FOCAD: variants seen among roughly 807,000 people sequenced by gnomAD.
FOCAD encodes KIAA1797.
In FOCAD, 198 loss-of-function variants were observed where a neutral mutation model predicts 225.6. The ratio of observed to expected loss-of-function variants is 0.88; its 90% CI spans 0.78 to 0.99. FOCAD has a LOEUF of 0.99. FOCAD is among the 50% of genes least tolerant of loss of function. FOCAD has a pLI of 0.00. For missense variants in FOCAD, 2,713 were observed against 2,123.6 expected (o/e 1.28, Z -5.46); for synonymous variants, 897 against 755.0 (o/e 1.19, Z -3.08).
chr9:20,724,904 C>T (rs1826068935), intron 4 of FOCAD, among the ~76,000 whole-genome samples: 1 of 152,316 alleles, frequency 6.6e-6, no homozygotes, highest in South Asian at 2.1e-4. Context: ...CGTGGTGGCT[C>T]ATGCCCGTAA....
intron 11 of FOCAD, among the ~76,000 whole-genome samples, chr9:20,816,198 G>A (rs1479184567): frequency 6.6e-6 from 1 of 151,948 alleles, no homozygotes; most frequent in African/African-American, 2.4e-5. Context: ...TATAATTATA[G>A]CATTTGTTTA....
At chr9:20,896,656 T>TTA (rs751560734) in intron 21 of FOCAD, among the ~76,000 whole-genome samples, 42 of 151,802 alleles carry the variant, frequency 2.8e-4, no homozygotes, top group Non-Finnish European at 2.9e-4. Flanking sequence ...GGGCATAGAG[T>TTA]TATATATATT....
chr9:20,992,549 A>G (rs1841761503), intron 42 of FOCAD, among the ~76,000 whole-genome samples: 1 of 152,166 alleles, frequency 6.6e-6, no homozygotes, highest in Non-Finnish European at 1.5e-5. Flanking sequence ...ACTCGGCTAT[A>G]CATTGAGGGT....
intron 9 of FOCAD, among the ~76,000 whole-genome samples, chr9:20,779,380 A>G (rs1244952574): frequency 1.3e-5 from 2 of 151,724 alleles, no homozygotes; most frequent in Non-Finnish European, 2.9e-5. Context: ...AATAATCCAC[A>G]TAACAATGAG....
At chr9:20,948,087 A>G (rs747358493) in intron 30 of FOCAD, among the ~76,000 whole-genome samples, 184 bp from the exon 31 acceptor site, 3 of 151,374 alleles carry the variant, frequency 2.0e-5, no homozygotes, top group Non-Finnish European at 4.4e-5. Context: ...TATGATGCAA[A>G]CCAGTCTAGA....
chr9:20,789,788 G>A lies in FOCAD; in HGVS notation c.1455+180G>A, dbSNP rs146138310. ...TTCTTTTTCCTTACTCTGAGTTGAT[G>A]TATACTTAATGATGCAAACAGTTTT... On this transcript the variant is annotated intron_variant, in intron 11 of 43. Transcript: ENST00000338382. 3.2e-4 allele frequency among the ~76,000 whole-genome samples: 47 copies of A among 148,218 alleles called. No homozygotes were observed. In the East Asian group the frequency reaches 6.1e-3, roughly 19 times the overall value.
At chr9:20,985,830 A>G (rs754581270) in intron 39 of FOCAD, among the ~76,000 whole-genome samples, 10 of 152,338 alleles carry the variant, frequency 6.6e-5, no homozygotes, top group Non-Finnish European at 1.2e-4. Flanking sequence ...ACAATATACA[A>G]TGAATACTAG....
intron 2 of FOCAD, among the ~76,000 whole-genome samples, chr9:20,661,862 T>C (rs1167874963): frequency 6.6e-6 from 1 of 152,156 alleles, no homozygotes; most frequent in East Asian, 1.9e-4. Flanking sequence ...CCACTGTTAT[T>C]AGTAAAAGCT....
chr9:20,897,337 C>T (rs755877925), intron 21 of FOCAD, among the ~76,000 whole-genome samples: 2 of 150,836 alleles, frequency 1.3e-5, no homozygotes, highest in African/African-American at 4.9e-5. Flanking sequence ...GGTTTTTGAT[C>T]TACTTTGACA....
intron 2 of FOCAD, among the ~76,000 whole-genome samples, chr9:20,667,241 T>G (rs1821924262): frequency 6.6e-6 from 1 of 152,362 alleles, no homozygotes; most frequent in South Asian, 2.1e-4. Context: ...AATTAAAAAT[T>G]AAAATTTTCA....
chr9:20,862,563 C>T lies in FOCAD; in HGVS notation c.1921-15C>T. The T allele has an allele frequency of 1.2e-6, 2 of 1,611,526 alleles. No individual in the cohort carries two copies. The highest frequency in any genetic ancestry group is 1.7e-6 in the Non-Finnish European group (2 of 1,178,718). On this transcript the variant is annotated splice_polypyrimidine_tract_variant and intron_variant, in intron 15 of 43. Coordinates refer to ENST00000338382, the MANE Select transcript of FOCAD (RefSeq NM_001375567.1). ...GAGTCTTGTTAGGTGTTGACCTTTT[C>T]TATTTGCTTCACAGGTTGTTTGCAT...
intron 6 of FOCAD, among the ~76,000 whole-genome samples, chr9:20,758,803 A>T (rs560790836): frequency 6.6e-6 from 1 of 152,208 alleles, no homozygotes; most frequent in African/African-American, 2.4e-5. Context: ...AGGGTATTCA[A>T]TTATGAAAAG....
chr9:20,684,094 A>G (rs2131307858), upstream of FOCAD: 1 of 152,388 alleles, frequency 6.6e-6, no homozygotes, highest in South Asian at 2.1e-4. Context: ...CCGCCTTTCA[A>G]CCGCAGTGCG....
chr9:20,976,686 G>A, intron 36 of FOCAD, 138 bp downstream of exon 36: 1 of 938,698 alleles, frequency 1.1e-6, no homozygotes, highest in Non-Finnish European at 1.6e-6. Context: ...GGATGGAATG[G>A]CTGGGTTACT....
Position 20,943,639 on chromosome 9 carries a change from G to A in FOCAD, c.3408-988G>A, listed in dbSNP as rs145272010. 2.8e-4 allele frequency among the ~76,000 whole-genome samples: 42 copies of A among 152,254 alleles called. No individual in the cohort carries two copies. The East Asian group carries it at 8.1e-3, about 29-fold the overall frequency. ...AATGTTCTTGACACTGACCAAGGGG[G>A]TAGATGCTGTTTAAGAGCAAAATGA... On this transcript the variant is annotated intron_variant, in intron 28 of 43. Coordinates refer to ENST00000338382, the MANE Select transcript of FOCAD (RefSeq NM_001375567.1).
intron 11 of FOCAD, among the ~76,000 whole-genome samples, chr9:20,802,214 T>C (rs1168071844): frequency 6.6e-6 from 1 of 152,160 alleles, no homozygotes; most frequent in African/African-American, 2.4e-5. Context: ...TTACCATTTT[T>C]TTGTGAGAAT....
At chr9:20,951,678 A>C (rs898412945) in intron 34 of FOCAD, among the ~76,000 whole-genome samples, 12 of 152,202 alleles carry the variant, frequency 7.9e-5, no homozygotes, top group African/African-American at 2.9e-4. Flanking sequence ...CCTTAATATG[A>C]CAAGGCCTTT....
intron 2 of FOCAD, among the ~76,000 whole-genome samples, chr9:20,671,246 A>G (rs7846936): frequency 0.048 from 7,271 of 152,284 alleles, 224 homozygotes; most frequent in Middle Eastern, 0.16. Flanking sequence ...ACAAACATCT[A>G]TATATTGAAC....
intron 6 of FOCAD, among the ~76,000 whole-genome samples, chr9:20,764,103 A>C (rs1187528253): frequency 6.6e-6 from 1 of 152,236 alleles, no homozygotes; most frequent in African/African-American, 2.4e-5. Context: ...ACAGGTTAAC[A>C]AGTAAATGTT....
Sources: gnomAD v4.1 joint callset for allele counts (sites outside exome capture counted in the v4.1 genomes callset) on GRCh38, gnomAD v4.1.1 for gene constraint, MANE v1.5 for transcripts, NCBI Gene and HGNC (gene_info 2026-07-23, HGNC 2026-07-21) for gene names.